HCN4: variants seen among roughly 807,000 people sequenced by gnomAD.
HCN4 encodes hyperpolarization activated cyclic nucleotide gated potassium channel 4.
In HCN4, 29 loss-of-function variants were observed where a neutral mutation model predicts 76.9. The observed-to-expected ratio is 0.38, with a 90% CI of 0.28 to 0.51. The LOEUF is 0.51. HCN4 is among the 20% of genes least tolerant of loss of function. The pLI, the probability that HCN4 is intolerant of heterozygous loss-of-function variation, is 0.90. For missense variants in HCN4, 1,416 were observed against 1,715.2 expected (o/e 0.83, Z 3.08); for synonymous variants, 772 against 762.5 (o/e 1.01, Z -0.21).
Position 73,328,505 on chromosome 15 carries a change from G to A in HCN4, c.1590+1068C>T, listed in dbSNP as rs1035234558. 2.6e-5 allele frequency among the ~76,000 whole-genome samples: 4 copies of A among 152,024 alleles called. No individual in the cohort carries two copies. Among genetic ancestry groups the A allele is most frequent in the African/African-American group, 4.8e-5 (2 of 41,388 alleles). On this transcript the variant is annotated intron_variant, in intron 4 of 7. Coordinates refer to ENST00000261917, the MANE Select transcript of HCN4 (RefSeq NM_005477.3). This position sits in a 1 kb window ranked among gnomAD's most constrained non-coding sequence, Gnocchi z 4.0. ...ACGTGTTTTAGATGCCGCTCCAACTGCTGTGTGAGGTGTGCAGTGGAAGGT... is the reference window on the plus strand; with the variant it reads ...ACGTGTTTTAGATGCCGCTCCAACTACTGTGTGAGGTGTGCAGTGGAAGGT...
In HCN4 at chr15:73,320,293, A is replaced by AGTC. The variant is rs1000497342; in HGVS notation, c.*2185_*2187dup. The AGTC allele has an allele frequency of 1.3e-5, 2 of 152,326 alleles. No individual in the cohort carries two copies. Among genetic ancestry groups the AGTC allele is most frequent in the Non-Finnish European group, 2.9e-5 (2 of 68,132 alleles). The allele number at this position is 152,326 out of a possible 1,614,324, so 9.4% of individuals were successfully genotyped here. A position where few individuals can be genotyped will look rare whatever the true frequency, so the allele number is the denominator to read the frequency against. ...TAGAGACCAGTACTAGGCGGCGTCT[A>AGTC]GTCTTTACCTAAGATCCCAGGAACC... is the stretch of plus-strand genomic sequence containing the variant. On this transcript the variant is annotated 3_prime_UTR_variant, in exon 8 of 8. Transcript: ENST00000261917.
At chr15:73,331,467 GTTT>G (rs1214383031) in intron 3 of HCN4, among the ~76,000 whole-genome samples, 1 of 152,084 alleles carries the variant, frequency 6.6e-6, no homozygotes, top group African/African-American at 2.4e-5. Context: ...TCAGCTTTTT[GTTT>G]TTTATTTTTA....
At chr15:73,353,274 C>G (rs867177167) in intron 1 of HCN4, among the ~76,000 whole-genome samples, 2 of 152,150 alleles carry the variant, frequency 1.3e-5, no homozygotes, top group Admixed American at 1.3e-4. Flanking sequence ...TGGCCAGCGC[C>G]CTGTGCTGTA....
At position 73,322,742 on chromosome 15, in the gene HCN4, C is replaced by T. The variant is rs375138488; in HGVS notation, c.3351G>A (p.Pro1117=). 197 of 1,562,300 alleles carry T rather than the reference C, an allele frequency of 1.3e-4. No individual in the cohort carries two copies. Among genetic ancestry groups the T allele is most frequent in the Non-Finnish European group, 1.5e-4 (176 of 1,153,502 alleles). Residue 1117 remains proline, a synonymous_variant, in exon 8 of 8, where the codon CCG becomes CCA. Transcript: ENST00000261917. ...TGCCACCCCCAGCCCTGGGGAAGAG[C>T]GGGAAGGCAGCCATGGACTCCCCTG... ...HSSGESMAAF[P]LFPRAGGGSG... is the part of the protein sequence containing the mutation.
rs544608775 is a variant in HCN4, at chr15:73,324,999, T to C, written c.1934A>G (p.Lys645Arg). 6.2e-7 allele frequency: 1 copy of C among 1,614,158 alleles called. No individual in the cohort carries two copies. Among genetic ancestry groups the C allele is most frequent in the Admixed American group, 1.7e-5 (1 of 60,022 alleles). Reference protein sequence around the residue: ...IQHGVVSVLTKGNKETKLADG... With the variant: ...IQHGVVSVLTRGNKETKLADG... Reference sequence around the variant, plus strand: ...GGCCAGCTTGGTCTCCTTGTTGCCCTTGGTGAGCACGCTGACCACGCCATG... The same window carrying C: ...GGCCAGCTTGGTCTCCTTGTTGCCCCTGGTGAGCACGCTGACCACGCCATG... Residue 645 changes from lysine (K) to arginine (R), a missense_variant, in exon 6 of 8, where the codon AAG (lysine) becomes AGG (arginine). By Grantham distance (26) the Lys-to-Arg change is conservative (BLOSUM62 2). Around this residue, in one of 6 missense-constraint regions of HCN4, gnomAD observed 241 missense variants for 379.4 expected, o/e 0.64. Coordinates refer to ENST00000261917, the MANE Select transcript of HCN4 (RefSeq NM_005477.3).
chr15:73,360,111 G>T (rs781458216), intron 1 of HCN4, among the ~76,000 whole-genome samples: 1 of 152,188 alleles, frequency 6.6e-6, no homozygotes, highest in Admixed American at 6.5e-5. Context: ...CCTTCTCATG[G>T]GAGCAGCCTA....
At chr15:73,336,119 G>A in intron 2 of HCN4, among the ~76,000 whole-genome samples, 1 of 152,106 alleles carries the variant, frequency 6.6e-6, no homozygotes, top group East Asian at 1.9e-4. Context: ...AGAGAGGCTG[G>A]TCCAGGCTCT....
At chr15:73,332,412 CA>C in intron 2 of HCN4, 120 bp from the exon 3 acceptor site, 1 of 981,042 alleles carries the variant, frequency 1.0e-6, no homozygotes, top group Non-Finnish European at 1.6e-6. Context: ...GCAGGGCGCC[CA>C]CTCAGTGCAA....
At chr15:73,349,525 G>C (rs2043043910) in intron 1 of HCN4, among the ~76,000 whole-genome samples, 1 of 152,042 alleles carries the variant, frequency 6.6e-6, no homozygotes. Flanking sequence ...CAATCTGGCT[G>C]GTGGTATTTT....
In HCN4 at chr15:73,330,330, C is replaced by T. The variant is rs111518760; in HGVS notation, c.1372-539G>A. ...ACGGGCCTCCTGCATGAACCCTGCC[C>T]GCCTCTGCTAGGGCTGCGGCCACCA... On this transcript the variant is annotated intron_variant, in intron 3 of 7. Transcript: ENST00000261917. Among the ~76,000 whole-genome samples, 67 of 152,358 alleles carry T rather than the reference C, an allele frequency of 4.4e-4. 2 individuals carry two copies. Among genetic ancestry groups the T allele is most frequent in the African/African-American group, 1.3e-3 (56 of 41,582 alleles).
chr15:73,338,395 C>T (rs2042979237), intron 2 of HCN4, among the ~76,000 whole-genome samples: 4 of 152,226 alleles, frequency 2.6e-5, no homozygotes, highest in Admixed American at 2.6e-4. Context: ...TTGGGGAAGC[C>T]CTGCTCTCAC....
chr15:73,332,559 G>T (rs531602075), intron 2 of HCN4, among the ~76,000 whole-genome samples: 1 of 152,336 alleles, frequency 6.6e-6, no homozygotes, highest in East Asian at 1.9e-4. Flanking sequence ...TAGCCATCCA[G>T]GACATGTGGA....
rs139984161 is a variant in HCN4 at position 73,348,411 on chromosome 15, C to T, written c.786-4603G>A. 3.0e-3 allele frequency among the ~76,000 whole-genome samples: 458 copies of T among 152,376 alleles called. 4 individuals are homozygous for T. Among genetic ancestry groups the T allele is most frequent in the African/African-American group, 6.9e-3 (286 of 41,596 alleles). On this transcript the variant is annotated intron_variant, in intron 1 of 7. Transcript: ENST00000261917. ...ACACGAACATGCGTGCACACACGCACACACACATGCACACCCACATGCAAT... is the reference window on the plus strand; with the variant it reads ...ACACGAACATGCGTGCACACACGCATACACACATGCACACCCACATGCAAT...
At chr15:73,330,228 G>C (rs1033764115) in intron 3 of HCN4, among the ~76,000 whole-genome samples, 15 of 152,248 alleles carry the variant, frequency 9.9e-5, no homozygotes, top group South Asian at 2.1e-4. Flanking sequence ...GCTTCCCTTG[G>C]GGGGACAAGC....
chr15:73,323,710 G>A lies in HCN4; in HGVS notation c.2383C>T (p.Leu795Phe), dbSNP rs1435000428. ...GCAGGCAGGCGAGGGTGGTGGGTGAGGGCTATGGCCACAGAAGTGGTGGCA... is the reference window on the plus strand; with the variant it reads ...GCAGGCAGGCGAGGGTGGTGGGTGAAGGCTATGGCCACAGAAGTGGTGGCA... ...AAATTSVAIA[L>F]THHPRLPAAI... Residue 795 changes from leucine to phenylalanine, a missense_variant, in exon 8 of 8, where the codon CTC becomes TTC. Leu to Phe is a conservative substitution (Grantham distance 22). Transcript: ENST00000261917. 9 of 1,598,762 alleles carry A rather than the reference G, an allele frequency of 5.6e-6. No homozygotes were observed. In the African/African-American group the frequency reaches 1.1e-4, roughly 19 times the overall value.
intron 4 of HCN4, among the ~76,000 whole-genome samples, chr15:73,326,927 T>C (rs1013168633): frequency 2.0e-5 from 3 of 151,576 alleles, no homozygotes; most frequent in African/African-American, 2.4e-5. Flanking sequence ...GCTGGCACTA[T>C]AGGCACATGC....
At chr15:73,342,781 A>C (rs2043012360) in intron 2 of HCN4, among the ~76,000 whole-genome samples, 1 of 152,238 alleles carries the variant, frequency 6.6e-6, no homozygotes, top group Non-Finnish European at 1.5e-5. Flanking sequence ...CAAAATTTGT[A>C]TAAAAATCCA....
At chr15:73,340,464 G>C (rs372265765) in intron 2 of HCN4, among the ~76,000 whole-genome samples, 4 of 152,292 alleles carry the variant, frequency 2.6e-5, no homozygotes, top group Admixed American at 1.3e-4. Flanking sequence ...GAGCCAACCT[G>C]GTCCTACATT....
Position 73,321,851 on chromosome 15 carries a change from G to A in HCN4, c.*630C>T, listed in dbSNP as rs922017730. The A allele has an allele frequency of 6.4e-6, 1 of 157,368 alleles. No homozygotes were observed. Among genetic ancestry groups the A allele is most frequent in the African/African-American group, 2.4e-5 (1 of 41,470 alleles). The allele number at this position is 157,368 out of a possible 1,614,324, so 9.7% of individuals were successfully genotyped here. ...GGATTAAACTAGACCGCACACGTGT[G>A]CGCACATGTGAGTGGCTATCTACAT... is the stretch of plus-strand genomic sequence containing the variant. On this transcript the variant is annotated 3_prime_UTR_variant, in exon 8 of 8. Transcript: ENST00000261917.
Sources: gnomAD v4.1 joint callset for allele counts (sites outside exome capture counted in the v4.1 genomes callset) on GRCh38, gnomAD v4.1.1 for gene constraint, gnomAD v4.1.1 regional missense constraint, Gnocchi (gnomAD v3.1) non-coding constraint, MANE v1.5 for transcripts, NCBI Gene and HGNC (gene_info 2026-07-23, HGNC 2026-07-21) for gene names.